ARG2: variants seen among roughly 807,000 people sequenced by gnomAD.
ARG2 encodes the protein arginase-2, mitochondrial.
In ARG2, 21 loss-of-function variants were observed where a neutral mutation model predicts 39.4. The observed-to-expected ratio is 0.53, with a 90% CI of 0.38 to 0.77. ARG2 has a LOEUF of 0.77. ARG2 is among the 30% of genes least tolerant of loss of function. The probability of loss-of-function intolerance (pLI) is 0.00; values close to 1 mark genes in which losing one functional copy is unlikely to be tolerated. For missense variants in ARG2, 378 were observed against 426.2 expected (o/e 0.89, Z 1.00); for synonymous variants, 150 against 156.7 (o/e 0.96, Z 0.32).
intron 2 of ARG2, among the ~76,000 whole-genome samples, chr14:67,632,808 A>ATTTTTTTTTTTTTT (rs55642854): frequency 1.6e-5 from 1 of 62,358 alleles, no homozygotes; most frequent in African/African-American, 6.7e-5. Flanking sequence ...AAGCCTCTTA[A>ATTTTTTTTTTTTTT]TTTTTTTTTT....
At chr14:67,631,288 T>C (rs538173044) in intron 2 of ARG2, among the ~76,000 whole-genome samples, 1 of 152,320 alleles carries the variant, frequency 6.6e-6, no homozygotes, top group South Asian at 2.1e-4. Context: ...ATTGCTGCAG[T>C]ATCTGACCTA....
At chr14:67,626,589 G>A (rs2036868640) in intron 2 of ARG2, among the ~76,000 whole-genome samples, 2 of 152,008 alleles carry the variant, frequency 1.3e-5, no homozygotes, top group Non-Finnish European at 2.9e-5. Context: ...CTCGGCCTCA[G>A]CCTTCTGAGT....
intron 2 of ARG2, among the ~76,000 whole-genome samples, chr14:67,633,511 G>A (rs139768635): frequency 6.6e-6 from 1 of 152,272 alleles, no homozygotes; most frequent in Non-Finnish European, 1.5e-5. Flanking sequence ...ATCCCAAACT[G>A]ACCTTATCAT....
rs60604937 is a variant in ARG2 at position 67,623,534 on chromosome 14, C to CTT, written c.184+2593_184+2594dup. Among the ~76,000 whole-genome samples, 671 of 82,976 alleles carry CTT rather than the reference C, an allele frequency of 8.1e-3. 53 individuals are homozygous for CTT. Among genetic ancestry groups the CTT allele is most frequent in the Non-Finnish European group, 0.011 (478 of 45,392 alleles). 54.4% of individuals were successfully genotyped at this position (82,976 alleles called of 152,430 possible). On this transcript the variant is annotated intron_variant, in intron 2 of 7. Coordinates refer to ENST00000261783, the MANE Select transcript of ARG2 (RefSeq NM_001172.4). ...ACACTCAACAGTACTCTCAGGTAACCTTTTTTTTTTTTTTTTTTTTTTTTT... is the reference window on the plus strand; with the variant it reads ...ACACTCAACAGTACTCTCAGGTAACCTTTTTTTTTTTTTTTTTTTTTTTTTTT...
At chr14:67,626,603 T>A (rs1046373736) in intron 2 of ARG2, among the ~76,000 whole-genome samples, 1 of 152,172 alleles carries the variant, frequency 6.6e-6, no homozygotes, top group Non-Finnish European at 1.5e-5. Flanking sequence ...TCTGAGTACC[T>A]GGGACCACAG....
intron 2 of ARG2, among the ~76,000 whole-genome samples, chr14:67,622,621 A>C (rs553261902): frequency 6.6e-6 from 1 of 152,360 alleles, no homozygotes; most frequent in Admixed American, 6.5e-5. Flanking sequence ...TCCCGCCCAT[A>C]AATGAGCATA....
chr14:67,631,636 T>A (rs1436633574), intron 2 of ARG2, among the ~76,000 whole-genome samples: 1 of 152,082 alleles, frequency 6.6e-6, no homozygotes, highest in Non-Finnish European at 1.5e-5. Flanking sequence ...CTCACTATGT[T>A]GCCCAGGCTG....
rs2037129317 is a variant in ARG2, at chr14:67,648,414, T to C, written c.859+231T>C. 1.3e-5 allele frequency: 5 copies of C among 380,750 alleles called. No individual in the cohort carries two copies. In the Admixed American group the frequency reaches 1.7e-4, roughly 13 times the overall value. 23.6% of individuals were successfully genotyped at this position (380,750 alleles called of 1,614,324 possible). ...CACTAAGGTAATAATGAGTAAAAAA[T>C]TGTATATTTAAACAATTAAATACAA... On this transcript the variant is annotated intron_variant, in intron 7 of 7. Coordinates refer to ENST00000261783, the MANE Select transcript of ARG2 (RefSeq NM_001172.4).
chr14:67,622,816 A>G (rs2036824663), intron 2 of ARG2, among the ~76,000 whole-genome samples: 1 of 152,218 alleles, frequency 6.6e-6, no homozygotes. Context: ...ATTCCTGACA[A>G]GAAGCGGTTT....
At chr14:67,622,534 G>C (rs548763263) in intron 2 of ARG2, among the ~76,000 whole-genome samples, 1 of 152,294 alleles carries the variant, frequency 6.6e-6, no homozygotes, top group African/African-American at 2.4e-5. Context: ...GTTCACCACT[G>C]AAGATTAAAG....
chr14:67,646,337 T>C, intron 4 of ARG2: 1 of 334,016 alleles, frequency 3.0e-6, no homozygotes, highest in Admixed American at 4.5e-5. Flanking sequence ...AAGTCAGTAA[T>C]GTGCAATGGG....
chr14:67,626,825 T>G (rs1161347961), intron 2 of ARG2, among the ~76,000 whole-genome samples: 1 of 152,194 alleles, frequency 6.6e-6, no homozygotes, highest in African/African-American at 2.4e-5. Context: ...GAAACTCAAA[T>G]GTACATTAAT....
chr14:67,630,339 T>A (rs557073517), intron 2 of ARG2, among the ~76,000 whole-genome samples: 2 of 152,332 alleles, frequency 1.3e-5, no homozygotes, highest in East Asian at 3.9e-4. Context: ...GTGGTTCTCT[T>A]CCTTTAAGTT....
chr14:67,645,902 G>A, intron 4 of ARG2, 100 bp downstream of exon 4: 2 of 1,319,598 alleles, frequency 1.5e-6, no homozygotes, highest in Non-Finnish European at 2.1e-6. Flanking sequence ...GGTTGAGTGT[G>A]GATTACCACT....
intron 2 of ARG2, among the ~76,000 whole-genome samples, chr14:67,621,177 T>C (rs952420510): frequency 2.0e-5 from 3 of 152,028 alleles, no homozygotes; most frequent in African/African-American, 7.2e-5. Flanking sequence ...GGCAAGGAGG[T>C]AGAGTGAGGC....
chr14:67,625,711 A>G (rs1451888784), intron 2 of ARG2, among the ~76,000 whole-genome samples: 1 of 147,804 alleles, frequency 6.8e-6, no homozygotes, highest in Non-Finnish European at 1.5e-5. Flanking sequence ...GAAACTGGAA[A>G]GACTTCATCA....
chr14:67,644,984 C>T (rs543338138), intron 3 of ARG2, among the ~76,000 whole-genome samples: 6 of 143,870 alleles, frequency 4.2e-5, no homozygotes, highest in South Asian at 4.4e-4. Context: ...GGAAACAGAG[C>T]GAGACTCCGT....
At chr14:67,626,972 C>T (rs1198683106) in intron 2 of ARG2, among the ~76,000 whole-genome samples, 1 of 151,990 alleles carries the variant, frequency 6.6e-6, no homozygotes, top group Non-Finnish European at 1.5e-5. Context: ...ACACAGAAGG[C>T]CACATGTTAT....
chr14:67,627,256 GATATAT>G lies in ARG2; in HGVS notation c.184+6311_184+6316del, dbSNP rs3070464. On this transcript the variant is annotated intron_variant, in intron 2 of 7. Transcript: ENST00000261783. ...ACTAGGCAATTGTGATCAGTAAGGA[GATATAT>G]ATATATATATATATATATATCTGAA... 1.0e-3 allele frequency among the ~76,000 whole-genome samples: 134 copies of G among 133,724 alleles called. 1 individual carries two copies. Among genetic ancestry groups the G allele is most frequent in the South Asian group, 2.1e-3 (9 of 4,210 alleles). 87.7% of individuals were successfully genotyped at this position (133,724 alleles called of 152,430 possible).
Sources: allele counts gnomAD v4.1 joint callset (sites outside exome capture counted in the v4.1 genomes callset), GRCh38; gene constraint gnomAD v4.1.1; transcripts MANE v1.5; gene names NCBI Gene and HGNC (gene_info 2026-07-23, HGNC 2026-07-21).